The following TTC6 variants were observed in gnomAD, a reference collection of about 807,000 sequenced individuals.
The protein encoded by TTC6 is tetratricopeptide repeat protein 6.
In TTC6, 172 loss-of-function variants were observed where a neutral mutation model predicts 210.4. That is an observed-to-expected ratio of 0.82 (90% CI 0.72 to 0.93). TTC6 has a LOEUF of 0.93. Ranked by LOEUF, TTC6 falls within the 40% of genes least tolerant of loss-of-function variation. The probability of loss-of-function intolerance (pLI) is 0.00; values close to 1 mark genes in which losing one functional copy is unlikely to be tolerated. For synonymous variants in TTC6, 804 were observed against 819.6 expected, an observed-to-expected ratio of 0.98 and a Z score of 0.32; for missense variants, 2,414 against 2,318.1, an observed-to-expected ratio of 1.04 and a Z score of -0.85.
chr14:37,772,194 C>G (rs2096021421), intron 14 of TTC6, among the ~76,000 whole-genome samples: 1 of 152,174 alleles, frequency 6.6e-6, no homozygotes, highest in Admixed American at 6.5e-5. Context: ...GGGAGAACCA[C>G]TGCTCTCTTC....
intron 1 of TTC6, among the ~76,000 whole-genome samples, chr14:37,658,803 G>A (rs1157555895): frequency 2.6e-5 from 4 of 152,134 alleles, no homozygotes; most frequent in Non-Finnish European, 4.4e-5. Flanking sequence ...TCAGGGGTGC[G>A]TATGCAGGTT....
At chr14:37,657,534 T>C (rs2095727067) in intron 1 of TTC6, among the ~76,000 whole-genome samples, 1 of 152,102 alleles carries the variant, frequency 6.6e-6, no homozygotes, top group Non-Finnish European at 1.5e-5. Flanking sequence ...AATATCCTAA[T>C]GTGAATGGTG....
chr14:37,706,347 G>A (rs1425958365), intron 5 of TTC6, among the ~76,000 whole-genome samples: 1 of 151,996 alleles, frequency 6.6e-6, no homozygotes, highest in Non-Finnish European at 1.5e-5. Context: ...CTTCCCTGGG[G>A]ATGGCTTCTC....
rs1413534821 is a variant in TTC6 at position 37,680,247 on chromosome 14, G to A, written c.1036G>A (p.Glu346Lys). 4 of 1,527,876 alleles carry A rather than the reference G, an allele frequency of 2.6e-6. No homozygotes were observed. The East Asian group carries it at 7.4e-5, about 28-fold the overall frequency. 94.6% of individuals were successfully genotyped at this position (1,527,876 alleles called of 1,614,324 possible). ...AGAGTATAAATTCCAGATGGGTGCTGAGGAATCGCAAATGGTAAAGTCTTT... is the reference window on the plus strand; with the variant it reads ...AGAGTATAAATTCCAGATGGGTGCTAAGGAATCGCAAATGGTAAAGTCTTT... Residue 346 changes from glutamate to lysine, a missense_variant, in exon 2 of 31, where the codon GAG (glutamate) becomes AAG (lysine). Glu to Lys is a moderately conservative substitution (Grantham distance 56, BLOSUM62 1). Coordinates refer to ENST00000553443, the Ensembl canonical transcript of TTC6.
intron 27 of TTC6, 81 bp downstream of exon 29, chr14:37,824,038 A>G: frequency 4.0e-6 from 5 of 1,252,870 alleles, no homozygotes; most frequent in East Asian, 2.4e-5. Flanking sequence ...CAATGGGAGT[A>G]TATGTTATTT....
intron 14 of TTC6, among the ~76,000 whole-genome samples, chr14:37,784,076 C>G (rs1048552056): frequency 4.6e-5 from 7 of 152,166 alleles, no homozygotes; most frequent in African/African-American, 1.7e-4. Flanking sequence ...TGGAATAAGT[C>G]CGATGTGGTG....
At chr14:37,803,250 T>C (rs534245426) in intron 20 of TTC6, among the ~76,000 whole-genome samples, 1 of 152,324 alleles carries the variant, frequency 6.6e-6, no homozygotes, top group African/African-American at 2.4e-5. Context: ...TAGTGATGTT[T>C]TCTTGGTTCT....
Position 37,820,512 on chromosome 14 carries a change from A to G in TTC6, c.4763+2861A>G, listed in dbSNP as rs539652807. Among the ~76,000 whole-genome samples the G allele has an allele frequency of 2.0e-5, 3 of 152,314 alleles. No homozygotes were observed. The East Asian group carries it at 5.8e-4, about 29-fold the overall frequency. On this transcript the variant is annotated intron_variant, in intron 26 of 30. Transcript: ENST00000553443. ...TTGGTTAGGCTATACAGAAGGCAAG[A>G]TTGTATTTCATAAACCATATATTAG...
intron 12 of TTC6, among the ~76,000 whole-genome samples, chr14:37,750,421 G>A (rs1346166852): frequency 6.6e-6 from 1 of 151,958 alleles, no homozygotes; most frequent in African/African-American, 2.4e-5. Context: ...TAAGTTTTGT[G>A]TCATCACAAC....
At chr14:37,727,483 T>C (rs570473849) in intron 7 of TTC6, among the ~76,000 whole-genome samples, 15 of 151,668 alleles carry the variant, frequency 9.9e-5, no homozygotes, top group South Asian at 8.3e-4. Flanking sequence ...TTAGTAGAGA[T>C]GGGGTTTCAC....
chr14:37,683,087 A>G, intron 3 of TTC6, 123 bp downstream of exon 5: 4 of 798,256 alleles, frequency 5.0e-6, no homozygotes, highest in Non-Finnish European at 7.8e-6. Flanking sequence ...TGGTGTGTTC[A>G]CTCTGAAAAG....
chr14:37,622,607 G>T, exon 1 of TTC6: 1 of 1,534,730 alleles, frequency 6.5e-7, no homozygotes, highest in Non-Finnish European at 8.7e-7. Context: ...TCTTCCACTT[G>T]GGAAGGGAGC....
rs918546630 is a variant in TTC6 at position 37,622,815 on chromosome 14, C to A, written c.751C>A (p.Gln251Lys). ...GGCGGGGTTAGGAGCCCAGGGAGAA[C>A]AGGAGAGCTGGCCGCCCAGCGACGC... Residue 251 changes from glutamine (Q) to lysine (K), a missense_variant, in exon 1 of 31, where the codon CAG becomes AAG. By Grantham distance (53) the Gln-to-Lys change is moderately conservative (BLOSUM62 1). Transcript: ENST00000553443. 11 of 1,533,700 alleles carry A rather than the reference C, an allele frequency of 7.2e-6. No individual in the cohort carries two copies. The African/African-American group carries it at 1.5e-4, about 21-fold the overall frequency.
At chr14:37,601,498 C>T (rs1029435502) in intron 1 of TTC6, among the ~76,000 whole-genome samples, 3 of 152,150 alleles carry the variant, frequency 2.0e-5, no homozygotes, top group Non-Finnish European at 4.4e-5. Context: ...TCCATCACAT[C>T]CAAAGTCCCC....
At chr14:37,630,907 G>GTT (rs746429138) in intron 1 of TTC6, among the ~76,000 whole-genome samples, 1 of 33,070 alleles carries the variant, frequency 3.0e-5, no homozygotes, top group African/African-American at 1.4e-4. Flanking sequence ...GGCAACCCCT[G>GTT]TTTTTTTTTT....
intron 6 of TTC6, among the ~76,000 whole-genome samples, chr14:37,717,455 G>A (rs184787704): frequency 3.9e-5 from 6 of 152,168 alleles, no homozygotes; most frequent in East Asian, 1.9e-4. Flanking sequence ...TTTAGATGAC[G>A]TGAAGAAATT....
intron 19 of TTC6, 63 bp downstream of exon 21, chr14:37,796,433 A>C: frequency 1.4e-6 from 1 of 692,084 alleles, no homozygotes. Context: ...CTATTTTGCA[A>C]TAGTTATGTA....
chr14:37,677,895 A>G (rs1038366935), intron 1 of TTC6, among the ~76,000 whole-genome samples: 2 of 151,924 alleles, frequency 1.3e-5, no homozygotes, highest in Non-Finnish European at 2.9e-5. Flanking sequence ...TGTTTCTTAC[A>G]TTTGCTCCTC....
At chr14:37,761,215 T>C (rs1279221197) in intron 14 of TTC6, among the ~76,000 whole-genome samples, 1 of 151,958 alleles carries the variant, frequency 6.6e-6, no homozygotes, top group Non-Finnish European at 1.5e-5. Flanking sequence ...CTAGGCTGGG[T>C]AGCATAGTCC....
Sources: allele counts gnomAD v4.1 joint callset (sites outside exome capture counted in the v4.1 genomes callset), GRCh38; gene constraint gnomAD v4.1.1; transcripts MANE v1.5; gene names NCBI Gene and HGNC (gene_info 2026-07-23, HGNC 2026-07-21).